The following ALDH1A2 variants were observed in gnomAD, a reference collection of about 807,000 sequenced individuals.
ALDH1A2 encodes retinal dehydrogenase 2.
In ALDH1A2, 27 loss-of-function variants were observed where a neutral mutation model predicts 60.3. The observed-to-expected ratio is 0.45, with a 90% CI of 0.33 to 0.62. ALDH1A2 has a LOEUF of 0.62. Among genes scored for constraint, ALDH1A2 ranks in the 20% least tolerant of loss-of-function variants. ALDH1A2 has a pLI of 0.02. For missense variants in ALDH1A2, 581 were observed against 643.8 expected (o/e 0.90, Z 1.06); for synonymous variants, 289 against 232.4 (o/e 1.24, Z -2.21).
chr15:57,964,000 G>C lies in ALDH1A2; in HGVS notation c.971C>G (p.Ser324Cys). 1 of 1,614,178 alleles carries C rather than the reference G, an allele frequency of 6.2e-7. No homozygotes were observed. The change falls in exon 9 of 13, where the codon TCT becomes TGT. Residue 324 changes from serine (S) to cysteine (C), a missense_variant. By Grantham distance (112) the Ser-to-Cys change is moderately radical (BLOSUM62 -1). Transcript: ENST00000249750. ...GATGGACTCCTCCACGAAGATGCGA[G>C]AGCCTGCAGTGCAGCACTGACCTTG... Reference protein sequence around the residue: ...FNQGQCCTAGSRIFVEESIYE... With the variant: ...FNQGQCCTAGCRIFVEESIYE...
intron 11 of ALDH1A2, 36 bp from the exon 12 acceptor site, chr15:57,960,880 G>A (rs202059375): frequency 1.3e-6 from 2 of 1,583,398 alleles, no homozygotes; most frequent in East Asian, 2.2e-5. Context: ...GAGTTCGTGT[G>A]AAGTCTGAGC....
At chr15:58,000,314 T>C (rs1359780513) in intron 4 of ALDH1A2, among the ~76,000 whole-genome samples, 1 of 151,892 alleles carries the variant, frequency 6.6e-6, no homozygotes, top group Non-Finnish European at 1.5e-5. Flanking sequence ...GAGCTAAGCC[T>C]TCTGTGGGCA....
chr15:58,042,414 A>G (rs1896539245), intron 1 of ALDH1A2, among the ~76,000 whole-genome samples: 1 of 151,958 alleles, frequency 6.6e-6, no homozygotes, highest in African/African-American at 2.4e-5. Context: ...TGTATAACCA[A>G]CATCTACATA....
chr15:58,060,150 G>C (rs1896987841), intron 1 of ALDH1A2, among the ~76,000 whole-genome samples: 1 of 152,118 alleles, frequency 6.6e-6, no homozygotes, highest in African/African-American at 2.4e-5. Context: ...CAAACTCCTG[G>C]CTTCAGGTGA....
chr15:58,060,806 T>C (rs1897015737), intron 1 of ALDH1A2, among the ~76,000 whole-genome samples: 1 of 152,222 alleles, frequency 6.6e-6, no homozygotes, highest in Non-Finnish European at 1.5e-5. Flanking sequence ...CCCCTGATAC[T>C]GTCACTAAGA....
intron 1 of ALDH1A2, among the ~76,000 whole-genome samples, chr15:58,035,180 A>G (rs1896346140): frequency 6.6e-6 from 1 of 151,674 alleles, no homozygotes. Context: ...GTTTTGGTAG[A>G]ATGCATCTTT....
At chr15:58,040,337 C>CT (rs1291556743) in intron 1 of ALDH1A2, among the ~76,000 whole-genome samples, 1 of 151,880 alleles carries the variant, frequency 6.6e-6, no homozygotes, top group Non-Finnish European at 1.5e-5. Context: ...TCAGGTCCAA[C>CT]TATACGATGA....
intron 1 of ALDH1A2, among the ~76,000 whole-genome samples, chr15:58,041,908 G>A (rs1280230884): frequency 6.6e-6 from 1 of 151,880 alleles, no homozygotes; most frequent in Non-Finnish European, 1.5e-5. Context: ...TAGTAATGAA[G>A]TGAACTCCAA....
intron 1 of ALDH1A2, among the ~76,000 whole-genome samples, chr15:58,033,275 T>C (rs1330053345): frequency 1.3e-5 from 2 of 150,018 alleles, no homozygotes; most frequent in African/African-American, 2.4e-5. Flanking sequence ...TATTTAGTGT[T>C]ATATATTCTG....
rs1443834640 is a variant in ALDH1A2 at position 57,960,753 on chromosome 15, G to C, written c.1484+17C>G. 1.9e-6 allele frequency: 3 copies of C among 1,610,032 alleles called. No homozygotes were observed. Among genetic ancestry groups the C allele is most frequent in the African/African-American group, 1.3e-5 (1 of 74,842 alleles). Reference sequence around the variant, plus strand: ...GCAATCTATTTCTCTGCAGGCATCAGCAACTTTAAGACTTACATTTCTCTC... The same window carrying C: ...GCAATCTATTTCTCTGCAGGCATCACCAACTTTAAGACTTACATTTCTCTC... On this transcript the variant is annotated intron_variant, in intron 12 of 12. Transcript: ENST00000249750.
Position 57,987,323 on chromosome 15 carries a change from A to C in ALDH1A2, c.798+5382T>G, listed in dbSNP as rs560976964. 2.6e-5 allele frequency among the ~76,000 whole-genome samples: 4 copies of C among 152,340 alleles called. No individual in the cohort carries two copies. In the East Asian group the frequency reaches 7.7e-4, roughly 29 times the overall value. ...AAACTATAAACTCACAGATATACAGAAATTTTAACGAACCAACAAAATACA... is the reference window on the plus strand; with the variant it reads ...AAACTATAAACTCACAGATATACAGCAATTTTAACGAACCAACAAAATACA... On this transcript the variant is annotated intron_variant, in intron 7 of 12. Transcript: ENST00000249750.
chr15:57,983,927 G>A (rs1343910015), intron 7 of ALDH1A2, among the ~76,000 whole-genome samples: 3 of 152,164 alleles, frequency 2.0e-5, no homozygotes, highest in Admixed American at 2.0e-4. Context: ...TGTAACAAAT[G>A]GAATTTAAAG....
intron 7 of ALDH1A2, among the ~76,000 whole-genome samples, chr15:57,970,292 C>T (rs1257109572): frequency 6.6e-6 from 1 of 152,204 alleles, no homozygotes; most frequent in Non-Finnish European, 1.5e-5. Flanking sequence ...GCACTCCCTG[C>T]AGAGCCTCTC....
chr15:58,037,314 C>T (rs1479748852), intron 1 of ALDH1A2, among the ~76,000 whole-genome samples: 1 of 151,418 alleles, frequency 6.6e-6, no homozygotes, highest in Non-Finnish European at 1.5e-5. Context: ...TATAAATTAA[C>T]CACACATTTA....
intron 7 of ALDH1A2, among the ~76,000 whole-genome samples, chr15:57,988,298 C>G (rs1242607187): frequency 4.6e-5 from 7 of 151,946 alleles, no homozygotes; most frequent in African/African-American, 1.5e-4. Flanking sequence ...ATTGTACACA[C>G]TAAAGCAAAC....
At chr15:58,057,742 G>A (rs1344569640) in intron 1 of ALDH1A2, among the ~76,000 whole-genome samples, 1 of 151,924 alleles carries the variant, frequency 6.6e-6, no homozygotes, top group East Asian at 1.9e-4. Context: ...CACCCAAATG[G>A]GAATCCTCTA....
chr15:58,058,448 G>C (rs1595696807), intron 1 of ALDH1A2, among the ~76,000 whole-genome samples: 1 of 121,566 alleles, frequency 8.2e-6, no homozygotes, highest in African/African-American at 3.2e-5. Flanking sequence ...AATCTTTAAG[G>C]AATCACTAGA....
intron 8 of ALDH1A2, chr15:57,964,365 C>G: frequency 2.9e-6 from 1 of 343,606 alleles, no homozygotes; most frequent in Admixed American, 4.1e-5. Flanking sequence ...AGATAAGGTA[C>G]AGGTATGAGT....
chr15:57,961,311 T>C lies in ALDH1A2; in HGVS notation c.1252-17A>G. 1 of 1,612,762 alleles carries C rather than the reference T, an allele frequency of 6.2e-7. No homozygotes were observed. Among genetic ancestry groups the C allele is most frequent in the Non-Finnish European group, 8.5e-7 (1 of 1,179,858 alleles). ...GCCAAAGATCTGCAAAAAGATAATA[T>C]GACTCAACATGGTTGCTCTGTCATT... On this transcript the variant is annotated splice_polypyrimidine_tract_variant and intron_variant, in intron 10 of 12. Coordinates refer to ENST00000249750, the MANE Select transcript of ALDH1A2 (RefSeq NM_003888.4).
Sources: allele counts gnomAD v4.1 joint callset (sites outside exome capture counted in the v4.1 genomes callset), GRCh38; gene constraint gnomAD v4.1.1; transcripts MANE v1.5; gene names NCBI Gene and HGNC (gene_info 2026-07-23, HGNC 2026-07-21).